DCLK3: variants seen among roughly 807,000 people sequenced by gnomAD.
DCLK3 encodes serine/threonine-protein kinase DCLK3.
In DCLK3, 30 loss-of-function variants were observed where a neutral mutation model predicts 46.4. The observed-to-expected ratio is 0.65, with a 90% CI of 0.48 to 0.88. The LOEUF (loss-of-function observed/expected upper bound fraction) is 0.88. Ranked by LOEUF, DCLK3 falls within the 40% of genes least tolerant of loss-of-function variation. The probability of loss-of-function intolerance (pLI) is 0.00; values close to 1 mark genes in which losing one functional copy is unlikely to be tolerated. For synonymous variants in DCLK3, 401 were observed against 339.2 expected, an observed-to-expected ratio of 1.18 and a Z score of -2.00; for missense variants, 846 against 907.1, an observed-to-expected ratio of 0.93 and a Z score of 0.87.
At position 36,737,379 on chromosome 3, in the gene DCLK3, G is replaced by C. The variant is rs757610264; in HGVS notation, c.1788C>G (p.Ile596Met). Residue 596 changes from isoleucine (I) to methionine (M), a missense_variant, in exon 2 of 5, where the codon ATC becomes ATG. Coordinates refer to ENST00000636136, the MANE Select transcript of DCLK3 (RefSeq NM_001394672.2). The surrounding 1 kb of genome is among the most constrained non-coding windows in gnomAD (Gnocchi z 4.4). Reference protein sequence around the residue: ...LHEVYETDMEIYLILEYVQGG... With the variant: ...LHEVYETDMEMYLILEYVQGG... ...CCTGCACGTACTCCAGGATCAGGTAGATTTCCATGTCTGTTTCGTAGACTT... is the reference window on the plus strand; with the variant it reads ...CCTGCACGTACTCCAGGATCAGGTACATTTCCATGTCTGTTTCGTAGACTT... 1 of 1,614,076 alleles carries C rather than the reference G, an allele frequency of 6.2e-7. No individual in the cohort carries two copies. Among genetic ancestry groups the C allele is most frequent in the African/African-American group, 1.3e-5 (1 of 74,928 alleles).
At chr3:36,724,116 G>C (rs1701096341) in intron 2 of DCLK3, among the ~76,000 whole-genome samples, 1 of 152,214 alleles carries the variant, frequency 6.6e-6, no homozygotes, top group Admixed American at 6.5e-5. Flanking sequence ...AGTCAAAAGA[G>C]ATCATTTTGG....
intron 1 of DCLK3, among the ~76,000 whole-genome samples, chr3:36,743,599 C>G (rs942482031): frequency 1.5e-4 from 23 of 152,146 alleles, no homozygotes; most frequent in Non-Finnish European, 4.4e-5. Context: ...CTTGCTACAG[C>G]AAAATAAATT....
intron 1 of DCLK3, among the ~76,000 whole-genome samples, chr3:36,746,575 A>G (rs1219132561): frequency 6.6e-6 from 1 of 152,084 alleles, no homozygotes; most frequent in Non-Finnish European, 1.5e-5. Context: ...TGGCTTTATT[A>G]TGTCTGAAAA....
intron 2 of DCLK3, among the ~76,000 whole-genome samples, chr3:36,736,259 G>C (rs1175141695): frequency 6.6e-6 from 1 of 152,170 alleles, no homozygotes; most frequent in African/African-American, 2.4e-5. Flanking sequence ...TCAGCACGTG[G>C]GGGTAATTCT....
intron 2 of DCLK3, among the ~76,000 whole-genome samples, chr3:36,725,371 C>A (rs889622158): frequency 4.6e-5 from 7 of 150,896 alleles, no homozygotes; most frequent in African/African-American, 1.5e-4. Context: ...AATCCCAGCT[C>A]TTTGGGAGGC....
At chr3:36,760,301 TA>T (rs1260618327) in intron 1 of DCLK3, among the ~76,000 whole-genome samples, 2 of 152,180 alleles carry the variant, frequency 1.3e-5, no homozygotes, top group Non-Finnish European at 2.9e-5. Context: ...ATGTGGTCCC[TA>T]AAGAAACAAC....
chr3:36,729,054 C>G (rs1701159668), intron 2 of DCLK3, among the ~76,000 whole-genome samples: 1 of 152,178 alleles, frequency 6.6e-6, no homozygotes, highest in African/African-American at 2.4e-5. Context: ...CCCATGATGC[C>G]TTTCTTAACC....
intron 2 of DCLK3, among the ~76,000 whole-genome samples, chr3:36,736,000 G>A (rs570300419): frequency 9.2e-5 from 14 of 152,322 alleles, no homozygotes; most frequent in East Asian, 3.9e-4. Context: ...TGATTGGGGC[G>A]ATAAAGAAGA....
rs1476141287 is a variant in DCLK3 at position 36,737,303 on chromosome 3, C to T, written c.1864G>A (p.Asp622Asn). The change falls in exon 2 of 5, where the codon GAT becomes AAT. Residue 622 changes from aspartate (D) to asparagine (N), a missense_variant. By Grantham distance (23) the Asp-to-Asn change is conservative. Around this residue, in one of 3 missense-constraint regions of DCLK3, gnomAD observed 247 missense variants for 322.8 expected, o/e 0.77. Transcript: ENST00000636136. This position sits in a 1 kb window ranked among gnomAD's most constrained non-coding sequence, Gnocchi z 4.4. ...AAGTCCATGATCATGAGGGCAGCAT[C>T]GGGCTCCGGGAACTTCACACTTTCT... ...IIESVKFPEP[D>N]AALMIMDLCK... The T allele has an allele frequency of 2.4e-5, 39 of 1,614,014 alleles. No individual in the cohort carries two copies. Among genetic ancestry groups the T allele is most frequent in the Non-Finnish European group, 3.1e-5 (37 of 1,180,048 alleles).
Position 36,737,414 on chromosome 3 carries a change from T to C in DCLK3, c.1753A>G (p.Lys585Glu). Residue 585 changes from lysine (K) to glutamate (E), a missense_variant, in exon 2 of 5, where the codon AAA (lysine) becomes GAA (glutamate). Physicochemically the swap from Lys to Glu is moderately conservative, Grantham distance 56. Coordinates refer to ENST00000636136, the MANE Select transcript of DCLK3 (RefSeq NM_001394672.2). The surrounding 1 kb of genome is among the most constrained non-coding windows in gnomAD (Gnocchi z 4.4). ...TCTGTTTCGTAGACTTCATGCAATT[T>C]CACGATGTTGGGGTGAGAGAGGCTC... is the stretch of plus-strand genomic sequence containing the variant. ...IQSLSHPNIV[K>E]LHEVYETDME... is the part of the protein sequence containing the mutation. The C allele has an allele frequency of 6.2e-7, 1 of 1,614,220 alleles. No homozygotes were observed. The highest frequency in any genetic ancestry group is 8.5e-7 in the Non-Finnish European group (1 of 1,180,044).
chr3:36,730,582 C>T (rs1217026344), intron 2 of DCLK3, among the ~76,000 whole-genome samples: 6 of 152,112 alleles, frequency 3.9e-5, no homozygotes, highest in African/African-American at 1.2e-4. Flanking sequence ...ATAAGGGCTG[C>T]GTTGTCTAGT....
At chr3:36,746,647 T>C (rs1296237532) in intron 1 of DCLK3, among the ~76,000 whole-genome samples, 1 of 152,330 alleles carries the variant, frequency 6.6e-6, no homozygotes, top group African/African-American at 2.4e-5. Flanking sequence ...CCCAGGACAT[T>C]GGGTTATACC....
At chr3:36,717,892 C>T (rs1701004684) in intron 4 of DCLK3, 118 bp downstream of exon 4, 2 of 1,336,174 alleles carry the variant, frequency 1.5e-6, no homozygotes, top group Admixed American at 2.0e-5. Flanking sequence ...GAAGTAAAGG[C>T]TGAGACATGA....
In DCLK3 at chr3:36,737,711, G is replaced by C. The variant is rs1258852634; in HGVS notation, c.1456C>G (p.Gln486Glu). The C allele has an allele frequency of 1.2e-6, 2 of 1,613,850 alleles. No individual in the cohort carries two copies. The highest frequency in any genetic ancestry group is 1.7e-5 in the Admixed American group (1 of 59,982). The change falls in exon 2 of 5, where the codon CAA (glutamine) becomes GAA (glutamate). Residue 486 changes from glutamine to glutamate, a missense_variant. Gln to Glu is a conservative substitution (Grantham distance 29, BLOSUM62 2). Around this residue, in one of 3 missense-constraint regions of DCLK3, gnomAD observed 553 missense variants for 543.0 expected, o/e 1.02. Transcript: ENST00000636136. The surrounding 1 kb of genome is among the most constrained non-coding windows in gnomAD (Gnocchi z 4.4). Reference protein sequence around the residue: ...GGRRMTLRDDQPAKLEKEPKT... With the variant: ...GGRRMTLRDDEPAKLEKEPKT... ...GGCTCCTTTTCTAGCTTTGCAGGTT[G>C]GTCATCTCTGAGAGTCATCCTTCTG...
intron 2 of DCLK3, among the ~76,000 whole-genome samples, chr3:36,725,603 T>TA (rs925492078): frequency 1.3e-5 from 2 of 152,020 alleles, no homozygotes; most frequent in African/African-American, 4.8e-5. Flanking sequence ...AGCAACAGAG[T>TA]AAGACCCTGT....
At chr3:36,745,525 C>T (rs560786020) in intron 1 of DCLK3, among the ~76,000 whole-genome samples, 1 of 152,210 alleles carries the variant, frequency 6.6e-6, no homozygotes, top group East Asian at 1.9e-4. Flanking sequence ...AAGGTCAATG[C>T]ATCTAACACC....
chr3:36,731,105 G>A (rs1701193127), intron 2 of DCLK3, among the ~76,000 whole-genome samples: 1 of 152,176 alleles, frequency 6.6e-6, no homozygotes, highest in African/African-American at 2.4e-5. Context: ...AGAAGTCACT[G>A]TAATGCACTG....
chr3:36,757,538 A>AG (rs1473510932), intron 1 of DCLK3, among the ~76,000 whole-genome samples: 1 of 152,220 alleles, frequency 6.6e-6, no homozygotes, highest in Non-Finnish European at 1.5e-5. Flanking sequence ...CTGCTCCTAC[A>AG]GGACAGAAGC....
At position 36,737,075 on chromosome 3, in the gene DCLK3, G is replaced by C; in HGVS notation, c.1959+133C>G. 1.6e-6 allele frequency: 2 copies of C among 1,272,262 alleles called. No homozygotes were observed. Among genetic ancestry groups the C allele is most frequent in the Non-Finnish European group, 2.1e-6 (2 of 941,500 alleles). The allele number at this position is 1,272,262 out of a possible 1,614,324, so 78.8% of individuals were successfully genotyped here. On this transcript the variant is annotated intron_variant, in intron 2 of 4. Transcript: ENST00000636136. The surrounding 1 kb of genome is among the most constrained non-coding windows in gnomAD (Gnocchi z 4.4). ...CCTATAACCATAGTTTTAAATACTG[G>C]AACAAGTATGTTATAATAACATAAA... is the stretch of plus-strand genomic sequence containing the variant.
Sources: gnomAD v4.1 joint callset for allele counts (sites outside exome capture counted in the v4.1 genomes callset) on GRCh38, gnomAD v4.1.1 for gene constraint, gnomAD v4.1.1 regional missense constraint, Gnocchi (gnomAD v3.1) non-coding constraint, MANE v1.5 for transcripts, NCBI Gene and HGNC (gene_info 2026-07-23, HGNC 2026-07-21) for gene names.